SCUBE1: variants seen among roughly 807,000 people sequenced by gnomAD.
SCUBE1 encodes signal peptide, CUB and EGF-like domain-containing protein 1.
In SCUBE1, 59 loss-of-function variants were observed where a neutral mutation model predicts 124.4. That is an observed-to-expected ratio of 0.47 (90% CI 0.38 to 0.59). SCUBE1 has a LOEUF of 0.59. SCUBE1 is among the 20% of genes least tolerant of loss of function. SCUBE1 has a pLI of 0.00. For synonymous variants in SCUBE1, 545 were observed against 550.9 expected (o/e 0.99, Z 0.15); for missense variants, 1,150 against 1,371.2 (o/e 0.84, Z 2.55).
chr22:43,281,471 CTG>C (rs1431855044), intron 4 of SCUBE1, among the ~76,000 whole-genome samples: 29 of 117,168 alleles, frequency 2.5e-4, no homozygotes, highest in African/African-American at 1.0e-3. Flanking sequence ...AGCCACCCTC[CTG>C]TCACCTCCCT....
Position 43,221,307 on chromosome 22 carries a change from TC to T in SCUBE1, c.1433-19del. The stretch of plus-strand genomic sequence containing the variant: ...GGGGGCATCTGGGGAAAGCCAAAAT[TC>T]CCCCAGGTGGTGGCCTCTCCTGCAG... On this transcript the variant is annotated intron_variant, in intron 12 of 21. Coordinates refer to ENST00000360835, the MANE Select transcript of SCUBE1 (RefSeq NM_173050.5). 6.8e-7 allele frequency: 1 copy of T among 1,467,016 alleles called. No individual in the cohort carries two copies. The highest frequency in any genetic ancestry group is 9.1e-7 in the Non-Finnish European group (1 of 1,093,728). 90.9% of individuals were successfully genotyped at this position (1,467,016 alleles called of 1,614,324 possible).
chr22:43,280,379 T>TC (rs531021218), intron 4 of SCUBE1, among the ~76,000 whole-genome samples: 26 of 132,456 alleles, frequency 2.0e-4, no homozygotes, highest in Non-Finnish European at 3.7e-4. Flanking sequence ...TCTCTCACCG[T>TC]CCCCTCACCC....
At position 43,263,868 on chromosome 22, in the gene SCUBE1, C is replaced by T. The variant is rs566430153; in HGVS notation, c.485-1023G>A. ...AATGACGCAGAGTCTAACTAAGCAA[C>T]GAGTTAGCACGGAAAGCGCTTTCAT... On this transcript the variant is annotated intron_variant, in intron 4 of 21. Transcript: ENST00000360835. 4.6e-5 allele frequency among the ~76,000 whole-genome samples: 7 copies of T among 152,274 alleles called. No individual in the cohort carries two copies. The South Asian group carries it at 8.3e-4, about 18-fold the overall frequency.
Position 43,343,212 on chromosome 22 carries a change from C to A in SCUBE1, c.50G>T (p.Gly17Val). ...GCCCCCGGCCAGCCGCCCGCGTGTG[C>A]CCAGGGCCAGCAGCACGCACAAGTG... Reference protein sequence around the residue: ...RWHLCVLLALGTRGRLAGGSG... With the variant: ...RWHLCVLLALVTRGRLAGGSG... The change falls in exon 1 of 22, where the codon GGC becomes GTC. Residue 17 changes from glycine (G) to valine (V), a missense_variant. By Grantham distance (109) the Gly-to-Val change is moderately radical. Coordinates refer to ENST00000360835, the MANE Select transcript of SCUBE1 (RefSeq NM_173050.5). The A allele has an allele frequency of 8.2e-7, 1 of 1,214,636 alleles. No homozygotes were observed. Among genetic ancestry groups the A allele is most frequent in the Non-Finnish European group, 1.0e-6 (1 of 969,940 alleles). The allele number at this position is 1,214,636 out of a possible 1,614,324, so 75.2% of individuals were successfully genotyped here.
Position 43,343,325 on chromosome 22 carries a change from C to G in SCUBE1, c.-64G>C. The G allele has an allele frequency of 1.2e-6, 1 of 809,258 alleles. No homozygotes were observed. The highest frequency in any genetic ancestry group is 1.5e-6 in the Non-Finnish European group (1 of 652,522). The allele number at this position is 809,258 out of a possible 1,614,324, so 50.1% of individuals were successfully genotyped here. On this transcript the variant is annotated 5_prime_UTR_variant, in exon 1 of 22. Transcript: ENST00000360835. Reference sequence around the variant, plus strand: ...GCGCGGGGACCCGACCGACCGGCCGCTCCCGCAGGCGCTGCTCGCTGCTCG... The same window carrying G: ...GCGCGGGGACCCGACCGACCGGCCGGTCCCGCAGGCGCTGCTCGCTGCTCG...
At chr22:43,205,365 C>T (rs1443632287) in intron 21 of SCUBE1, among the ~76,000 whole-genome samples, 1 of 152,084 alleles carries the variant, frequency 6.6e-6, no homozygotes, top group Non-Finnish European at 1.5e-5. Flanking sequence ...GGCTGCCACC[C>T]TGGGCAGAAA....
chr22:43,299,647 T>A (rs1224278701), intron 3 of SCUBE1, among the ~76,000 whole-genome samples: 3 of 152,208 alleles, frequency 2.0e-5, no homozygotes, highest in Non-Finnish European at 4.4e-5. Flanking sequence ...ATAGAACTCA[T>A]GGAGCACACA....
At chr22:43,240,941 G>A (rs915962030) in intron 6 of SCUBE1, among the ~76,000 whole-genome samples, 3 of 152,328 alleles carry the variant, frequency 2.0e-5, no homozygotes, top group Middle Eastern at 3.4e-3. Context: ...GAGAGATGGG[G>A]GAACATGGCA....
rs763110151 is a variant in SCUBE1 at position 43,214,268 on chromosome 22, G to A, written c.1892-17C>T. On this transcript the variant is annotated splice_polypyrimidine_tract_variant and intron_variant, in intron 15 of 21. Coordinates refer to ENST00000360835, the MANE Select transcript of SCUBE1 (RefSeq NM_173050.5). ...CACAGGCAACTGCAGAGGCAAAGCG[G>A]AGAGGCTGCTGGAGGCAGAGGTGGG... The A allele has an allele frequency of 1.7e-5, 27 of 1,607,070 alleles. No homozygotes were observed. In the East Asian group the frequency reaches 6.0e-4, roughly 36 times the overall value.
intron 10 of SCUBE1, among the ~76,000 whole-genome samples, chr22:43,224,555 G>A (rs963148793): frequency 2.0e-5 from 3 of 152,222 alleles, no homozygotes; most frequent in Non-Finnish European, 4.4e-5. Context: ...CTGGCCCCCA[G>A]GATCAATGGT....
In SCUBE1 at chr22:43,327,459, G is replaced by C. The variant is rs905027250; in HGVS notation, c.221-7394C>G. Among the ~76,000 whole-genome samples the C allele has an allele frequency of 5.9e-5, 9 of 152,330 alleles. No homozygotes were observed. The Middle Eastern group carries it at 0.01, about 173-fold the overall frequency. ...TTGCGGGGTGGTAGAGGATGGTCAA[G>C]GGGCATGGAGTTTCTTTTTGGAGTA... On this transcript the variant is annotated intron_variant, in intron 2 of 21. Coordinates refer to ENST00000360835, the MANE Select transcript of SCUBE1 (RefSeq NM_173050.5).
intron 4 of SCUBE1, among the ~76,000 whole-genome samples, chr22:43,276,276 T>A (rs1350285950): frequency 6.6e-6 from 1 of 152,008 alleles, no homozygotes; most frequent in Non-Finnish European, 1.5e-5. Context: ...TCAAGAAGCT[T>A]AGGGGAGAGC....
chr22:43,282,454 C>G (rs73886564), intron 4 of SCUBE1: 10,305 of 152,264 alleles, frequency 0.068, 874 homozygotes, highest in African/African-American at 0.2. Context: ...ACTTGAAGTG[C>G]TTTTTTAAGG....
chr22:43,208,775 G>A (rs1285457357), intron 19 of SCUBE1, among the ~76,000 whole-genome samples: 2 of 152,210 alleles, frequency 1.3e-5, no homozygotes, highest in Non-Finnish European at 2.9e-5. Flanking sequence ...GCGGCAGCGT[G>A]GGTACAGCAT....
chr22:43,236,646 A>G (rs1922774801), intron 7 of SCUBE1, among the ~76,000 whole-genome samples: 1 of 152,144 alleles, frequency 6.6e-6, no homozygotes, highest in Non-Finnish European at 1.5e-5. Context: ...GGCCTCTGGC[A>G]ACAGTCACAG....
At chr22:43,208,411 C>T (rs1186762198) in intron 19 of SCUBE1, among the ~76,000 whole-genome samples, 187 bp from the exon 20 acceptor site, 1 of 152,176 alleles carries the variant, frequency 6.6e-6, no homozygotes, top group Non-Finnish European at 1.5e-5. Context: ...AACCCGGGTT[C>T]TTACTTGTCC....
At chr22:43,263,728 C>G (rs747591438) in intron 4 of SCUBE1, among the ~76,000 whole-genome samples, 1 of 152,198 alleles carries the variant, frequency 6.6e-6, no homozygotes, top group Non-Finnish European at 1.5e-5. Flanking sequence ...ATCAAACAAA[C>G]AAATGGAAAT....
At chr22:43,342,277 G>A (rs1195263217) in intron 1 of SCUBE1, among the ~76,000 whole-genome samples, 4 of 151,902 alleles carry the variant, frequency 2.6e-5, no homozygotes, top group African/African-American at 9.7e-5. Flanking sequence ...GGGGGTCCCC[G>A]TGAAACCCAC....
At chr22:43,241,865 C>A (rs1182264146) in intron 6 of SCUBE1, among the ~76,000 whole-genome samples, 2 of 152,242 alleles carry the variant, frequency 1.3e-5, no homozygotes, top group East Asian at 3.9e-4. Flanking sequence ...CCCCGGGACG[C>A]TCTCTGCCAG....
Sources: allele counts gnomAD v4.1 joint callset (sites outside exome capture counted in the v4.1 genomes callset), GRCh38; gene constraint gnomAD v4.1.1; transcripts MANE v1.5; gene names NCBI Gene and HGNC (gene_info 2026-07-23, HGNC 2026-07-21).